The following MMP9 variants were observed in gnomAD, a reference collection of about 807,000 sequenced individuals.
MMP9 encodes matrix metallopeptidase 9.
In MMP9, 73 loss-of-function variants were observed where a neutral mutation model predicts 76.4. That is an observed-to-expected ratio of 0.96 (90% CI 0.79 to 1.16). The LOEUF (loss-of-function observed/expected upper bound fraction) is 1.16, where lower values mean the gene tolerates loss of function less well. MMP9 is among the 50% of genes most tolerant of loss of function. The probability of loss-of-function intolerance (pLI) is 0.00; values close to 1 mark genes in which losing one functional copy is unlikely to be tolerated. For missense variants in MMP9, 943 were observed against 973.0 expected (o/e 0.97, Z 0.41); for synonymous variants, 412 against 408.4 (o/e 1.01, Z -0.11).
At chr20:46,012,752 T>C (rs924182981) in intron 8 of MMP9, among the ~76,000 whole-genome samples, 170 bp downstream of exon 8, 1 of 152,060 alleles carries the variant, frequency 6.6e-6, no homozygotes, top group Non-Finnish European at 1.5e-5. Context: ...TGTCAGTGCT[T>C]AGAGGTGGTG....
chr20:46,011,533 T>C (rs750775134), intron 5 of MMP9, 41 bp from the exon 6 acceptor site: 1 of 1,611,854 alleles, frequency 6.2e-7, no homozygotes, highest in Non-Finnish European at 8.5e-7. Flanking sequence ...TAATGTGCTG[T>C]CTCCGCCTTC....
In MMP9 at chr20:46,012,444, G is replaced by A. The variant is rs1171543612; in HGVS notation, c.1192G>A (p.Val398Met). Reference protein sequence around the residue: ...CPDQGYSLFLVAAHEFGHALG... With the variant: ...CPDQGYSLFLMAAHEFGHALG... ...CCCTCCAGGATACAGTTTGTTCCTC[G>A]TGGCGGCGCATGAGTTCGGCCACGC... The change falls in exon 8 of 13, where the codon GTG becomes ATG. Residue 398 changes from valine to methionine, a missense_variant. Val to Met is a conservative substitution (Grantham distance 21). Transcript: ENST00000372330. The A allele has an allele frequency of 6.2e-7, 1 of 1,614,142 alleles. No individual in the cohort carries two copies.
At chr20:46,009,329 G>A (rs924880884) in intron 1 of MMP9, among the ~76,000 whole-genome samples, 2 of 152,092 alleles carry the variant, frequency 1.3e-5, no homozygotes, top group African/African-American at 4.8e-5. Context: ...GGGTTCTGGG[G>A]TAAGCATAGG....
Position 46,008,974 on chromosome 20 carries a change from C to T in MMP9, c.48C>T (p.Cys16=), listed in dbSNP as rs1350257309. Residue 16 remains cysteine, a synonymous_variant, in exon 1 of 13, where the codon TGC becomes TGT. Coordinates refer to ENST00000372330, the MANE Select transcript of MMP9 (RefSeq NM_004994.3). ...TCCTGGTGCTCCTGGTGCTGGGCTG[C>T]TGCTTTGCTGCCCCCAGACAGCGCC... ...PLVLVLLVLG[C]CFAAPRQRQS... The T allele has an allele frequency of 3.1e-6, 5 of 1,614,020 alleles. No homozygotes were observed. In the Admixed American group the frequency reaches 6.7e-5, roughly 22 times the overall value.
Position 46,012,523 on chromosome 20 carries a change from G to T in MMP9, c.1271G>T (p.Arg424Leu), listed in dbSNP as rs776529410. ...VPEALMYPMY[R>L]FTEGPPLHKD... ...GAGGCGCTCATGTACCCTATGTACC[G>T]CTTCACTGAGGGGCCCCCCTTGCAT... The change falls in exon 8 of 13, where the codon CGC becomes CTC. Residue 424 changes from arginine to leucine, a missense_variant. Physicochemically the swap from Arg to Leu is moderately radical, Grantham distance 102. Transcript: ENST00000372330. 5 of 1,614,056 alleles carry T rather than the reference G, an allele frequency of 3.1e-6. No individual in the cohort carries two copies. Among genetic ancestry groups the T allele is most frequent in the African/African-American group, 1.3e-5 (1 of 74,930 alleles).
rs1374260582 is a variant in MMP9 at position 46,014,107 on chromosome 20, A to G, written c.1751-17A>G. On this transcript the variant is annotated splice_polypyrimidine_tract_variant and intron_variant, in intron 10 of 12. Coordinates refer to ENST00000372330, the MANE Select transcript of MMP9 (RefSeq NM_004994.3). ...CCCTCTGCGCCCCCAAACCGACGTG[A>G]CCCTCCTCCCCTGCAGGGCGCCAGG... 1 of 1,533,798 alleles carries G rather than the reference A, an allele frequency of 6.5e-7. No individual in the cohort carries two copies. The highest frequency in any genetic ancestry group is 8.7e-7 in the Non-Finnish European group (1 of 1,146,492).
At position 46,012,570 on chromosome 20, in the gene MMP9, C is replaced by T. The variant is rs1600576006; in HGVS notation, c.1318C>T (p.Arg440Trp). 1 of 1,613,128 alleles carries T rather than the reference C, an allele frequency of 6.2e-7. No individual in the cohort carries two copies. The highest frequency in any genetic ancestry group is 1.1e-5 in the South Asian group (1 of 91,060). Residue 440 changes from arginine (R) to tryptophan (W), a missense_variant, in exon 8 of 13, where the codon CGG (arginine) becomes TGG (tryptophan). Physicochemically the swap from Arg to Trp is moderately radical, Grantham distance 101. Transcript: ENST00000372330. The stretch of plus-strand genomic sequence containing the variant: ...GCATAAGGACGACGTGAATGGCATC[C>T]GGCACCTCTATGGTGAGGCAGGGGC... ...PLHKDDVNGI[R>W]HLYGPRPEPE...
chr20:46,008,984 G>T lies in MMP9; in HGVS notation c.58G>T (p.Ala20Ser). 6.2e-7 allele frequency: 1 copy of T among 1,613,962 alleles called. No homozygotes were observed. The highest frequency in any genetic ancestry group is 8.5e-7 in the Non-Finnish European group (1 of 1,179,944). Residue 20 changes from alanine (A) to serine (S), a missense_variant, in exon 1 of 13, where the codon GCC (alanine) becomes TCC (serine). Physicochemically the swap from Ala to Ser is moderately conservative, Grantham distance 99. Coordinates refer to ENST00000372330, the MANE Select transcript of MMP9 (RefSeq NM_004994.3). ...VLLVLGCCFA[A>S]PRQRQSTLVL... ...CCTGGTGCTGGGCTGCTGCTTTGCT[G>T]CCCCCAGACAGCGCCAGTCCACCCT...
chr20:46,010,162 C>T, intron 2 of MMP9, 64 bp downstream of exon 2: 2 of 1,412,556 alleles, frequency 1.4e-6, no homozygotes, highest in Non-Finnish European at 1.9e-6. Context: ...CTTGGGCCAG[C>T]GGTGAACATG....
Position 46,010,000 on chromosome 20 carries a change from G to C in MMP9, c.273G>C (p.Leu91=), listed in dbSNP as rs1251895251. The change falls in exon 2 of 13, where the codon CTG becomes CTC. Residue 91 remains leucine (L), a synonymous_variant. Transcript: ENST00000372330. Reference sequence around the variant, plus strand: ...CCGGTGAGCTGGATAGCGCCACGCTGAAGGCCATGCGAACCCCACGGTGCG... The same window carrying C: ...CCGGTGAGCTGGATAGCGCCACGCTCAAGGCCATGCGAACCCCACGGTGCG... ...PETGELDSAT[L]KAMRTPRCGV... is the part of the protein sequence containing the mutation. The C allele has an allele frequency of 6.4e-6, 10 of 1,551,734 alleles. No individual in the cohort carries two copies. In the South Asian group the frequency reaches 1.2e-4, roughly 18 times the overall value.
In MMP9 at chr20:46,013,660, G is replaced by A. The variant is rs1217131811; in HGVS notation, c.1614G>A (p.Lys538=). ...GNQLYLFKDG[K]YWRFSEGRGS... ...CTTTCCCTCCTCGCTTTCTCAGGAAGTACTGGCGATTCTCTGAGGGCAGGG... is the reference window on the plus strand; with the variant it reads ...CTTTCCCTCCTCGCTTTCTCAGGAAATACTGGCGATTCTCTGAGGGCAGGG... The change falls in exon 10 of 13, where the codon AAG becomes AAA. Residue 538 remains lysine, a synonymous_variant. Coordinates refer to ENST00000372330, the MANE Select transcript of MMP9 (RefSeq NM_004994.3). The surrounding 1 kb of genome is among the most constrained non-coding windows in gnomAD (Gnocchi z 4.5). 4 of 1,613,954 alleles carry A rather than the reference G, an allele frequency of 2.5e-6. No homozygotes were observed. The highest frequency in any genetic ancestry group is 3.4e-6 in the Non-Finnish European group (4 of 1,179,996).
Position 46,011,289 on chromosome 20 carries a change from G to T in MMP9, c.796G>T (p.Asp266Tyr), listed in dbSNP as rs1181700308. Residue 266 changes from aspartate (D) to tyrosine (Y), a missense_variant, in exon 5 of 13, where the codon GAC becomes TAC. Physicochemically the swap from Asp to Tyr is radical, Grantham distance 160. Coordinates refer to ENST00000372330, the MANE Select transcript of MMP9 (RefSeq NM_004994.3). The part of the protein sequence containing the change: ...CSTTANYDTD[D>Y]RFGFCPSERL... The stretch of plus-strand genomic sequence containing the variant: ...TACCACGGCCAACTACGACACCGAC[G>T]ACCGGTTTGGCTTCTGCCCCAGCGA... 12 of 1,604,892 alleles carry T rather than the reference G, an allele frequency of 7.5e-6. No homozygotes were observed. The Admixed American group carries it at 2.0e-4, about 27-fold the overall frequency.
Position 46,011,612 on chromosome 20 carries a change from T to C in MMP9, c.862T>C (p.Cys288Arg). Residue 288 changes from cysteine to arginine, a missense_variant, in exon 6 of 13, where the codon TGC becomes CGC. By Grantham distance (180) the Cys-to-Arg change is radical. Coordinates refer to ENST00000372330, the MANE Select transcript of MMP9 (RefSeq NM_004994.3). ...GGACGGCAATGCTGATGGGAAACCC[T>C]GCCAGTTTCCATTCATCTTCCAAGG... ...TQDGNADGKP[C>R]QFPFIFQGQS... 1.2e-6 allele frequency: 2 copies of C among 1,613,514 alleles called. No individual in the cohort carries two copies. The highest frequency in any genetic ancestry group is 1.7e-6 in the Non-Finnish European group (2 of 1,179,914).
intron 6 of MMP9, 120 bp downstream of exon 6, chr20:46,011,867 G>A: frequency 7.9e-7 from 1 of 1,267,476 alleles, no homozygotes; most frequent in South Asian, 1.3e-5. Context: ...CAGGACGACC[G>A]TGACTCCGCC....
chr20:46,015,940 G>T (rs992900312), intron 12 of MMP9, among the ~76,000 whole-genome samples: 1 of 152,212 alleles, frequency 6.6e-6, no homozygotes, highest in Non-Finnish European at 1.5e-5. Context: ...TTCAATGAAT[G>T]AGCGTTGAAT....
In MMP9 at chr20:46,014,137, G is replaced by A. The variant is rs200746714; in HGVS notation, c.1764G>A (p.Trp588Ter). The A allele has an allele frequency of 6.8e-5, 104 of 1,535,792 alleles. No individual in the cohort carries two copies. Among genetic ancestry groups the A allele is most frequent in the Admixed American group, 2.2e-4 (11 of 50,972 alleles). Reference sequence around the variant, plus strand: ...CCTCCCCTGCAGGGCGCCAGGTGTGGGTGTACACAGGCGCGTCGGTGCTGG... The same window carrying A: ...CCTCCCCTGCAGGGCGCCAGGTGTGAGTGTACACAGGCGCGTCGGTGCTGG... The part of the protein sequence containing the change: ...KLFFFSGRQV[W>*]VYTGASVLGP... The change falls in exon 11 of 13, where the codon TGG becomes TGA. Residue 588 changes from tryptophan (W) to a stop codon, truncating the protein, a stop_gained. Transcript: ENST00000372330. LOFTEE classifies it high-confidence loss of function.
At chr20:46,010,690 C>A in intron 3 of MMP9, 59 bp downstream of exon 3, 6 of 1,573,696 alleles carry the variant, frequency 3.8e-6, no homozygotes, top group South Asian at 1.1e-5. Flanking sequence ...AAGGGAGGAC[C>A]ACGGAGAGCG....
intron 12 of MMP9, chr20:46,014,736 G>A: frequency 1.8e-6 from 1 of 552,294 alleles, no homozygotes; most frequent in Non-Finnish European, 3.3e-6. Context: ...TTGTATGGAA[G>A]CTCAGTTATT....
In MMP9 at chr20:46,011,708, T is replaced by A. The variant is rs202151407; in HGVS notation, c.958T>A (p.Tyr320Asn). 8 of 1,613,822 alleles carry A rather than the reference T, an allele frequency of 5.0e-6. No homozygotes were observed. Among genetic ancestry groups the A allele is most frequent in the Non-Finnish European group, 6.8e-6 (8 of 1,180,032 alleles). ...GYRWCATTAN[Y>N]DRDKLFGFCP... ...CCGCTGGTGCGCCACCACCGCCAACTACGACCGGGACAAGCTCTTCGGCTT... is the reference window on the plus strand; with the variant it reads ...CCGCTGGTGCGCCACCACCGCCAACAACGACCGGGACAAGCTCTTCGGCTT... Residue 320 changes from tyrosine (Y) to asparagine (N), a missense_variant, in exon 6 of 13, where the codon TAC becomes AAC. Transcript: ENST00000372330.
Sources: gnomAD v4.1 joint callset for allele counts (sites outside exome capture counted in the v4.1 genomes callset) on GRCh38, gnomAD v4.1.1 for gene constraint, Gnocchi (gnomAD v3.1) non-coding constraint, MANE v1.5 for transcripts, NCBI Gene and HGNC (gene_info 2026-07-23, HGNC 2026-07-21) for gene names.